The following ANKS1A variants were observed in gnomAD, a reference collection of about 807,000 sequenced individuals.
The protein encoded by ANKS1A is ankyrin repeat and sterile alpha motif domain containing 1A.
A neutral mutation model predicts 120.3 loss-of-function variants in ANKS1A; 55 were observed. The ratio of observed to expected loss-of-function variants is 0.46; its 90% confidence interval spans 0.37 to 0.57. ANKS1A has a LOEUF of 0.57. ANKS1A is among the 20% of genes least tolerant of loss of function. The pLI is 0.00. For missense variants in ANKS1A, 1,123 were observed against 1,480.3 expected (o/e 0.76, Z 3.96); for synonymous variants, 590 against 604.7 (o/e 0.98, Z 0.36).
chr6:34,962,659 T>C (rs972248960), intron 1 of ANKS1A, among the ~76,000 whole-genome samples: 4 of 151,454 alleles, frequency 2.6e-5, no homozygotes, highest in African/African-American at 9.7e-5. Context: ...CATGGTGGCA[T>C]GCGCCTGTAG....
Position 35,084,210 on chromosome 6 carries a change from C to G in ANKS1A, c.3084C>G (p.Asp1028Glu). Residue 1028 changes from aspartate to glutamate, a missense_variant, in exon 21 of 24, where the codon GAC (aspartate) becomes GAG (glutamate). By Grantham distance (45) the Asp-to-Glu change is conservative (BLOSUM62 2). Around this residue, in one of 3 missense-constraint regions of ANKS1A, gnomAD observed 904 missense variants for 1,130.4 expected, o/e 0.80. Coordinates refer to ENST00000360359, the MANE Select transcript of ANKS1A (RefSeq NM_015245.3). The surrounding 1 kb of genome is among the most constrained non-coding windows in gnomAD (Gnocchi z 4.8). ...DLCTFAYITK[D>E]LQTSHHYCHV... ...GTACCTTTGCCTACATCACCAAGGA[C>G]CTGCAGACCAGCCACCACTATTGCC... The G allele has an allele frequency of 6.2e-7, 1 of 1,614,202 alleles. No homozygotes were observed. Among genetic ancestry groups the G allele is most frequent in the Non-Finnish European group, 8.5e-7 (1 of 1,180,036 alleles).
intron 1 of ANKS1A, among the ~76,000 whole-genome samples, chr6:34,905,451 ATGTG>A (rs1327181953): frequency 1.3e-5 from 2 of 152,206 alleles, no homozygotes; most frequent in East Asian, 3.8e-4. Flanking sequence ...GTGAGTGTGT[ATGTG>A]TGTATTTGGG....
intron 1 of ANKS1A, among the ~76,000 whole-genome samples, chr6:34,925,607 G>T (rs1259280390): frequency 6.6e-6 from 1 of 152,232 alleles, no homozygotes; most frequent in Non-Finnish European, 1.5e-5. Context: ...CTAGTTCAGG[G>T]AAACTTTGTC....
Position 34,929,569 on chromosome 6 carries a change from C to T in ANKS1A, c.198-37670C>T, listed in dbSNP as rs140710002. Among the ~76,000 whole-genome samples the T allele has an allele frequency of 5.3e-5, 8 of 152,344 alleles. No homozygotes were observed. The East Asian group carries it at 1.5e-3, about 29-fold the overall frequency. The stretch of plus-strand genomic sequence containing the variant: ...AATGTCATTTGGAATACTTAGCAAT[C>T]TGCCACTTTGCTTAGATTTTTTGGT... On this transcript the variant is annotated intron_variant, in intron 1 of 23. Transcript: ENST00000360359.
At chr6:34,944,548 T>C (rs1769691844) in intron 1 of ANKS1A, among the ~76,000 whole-genome samples, 1 of 152,170 alleles carries the variant, frequency 6.6e-6, no homozygotes, top group Admixed American at 6.5e-5. Flanking sequence ...TTAGGTTGTT[T>C]TCTTATTGTT....
In ANKS1A at chr6:35,084,769, TG is replaced by T. The variant is rs1366471582; in HGVS notation, c.3132+513del. On this transcript the variant is annotated intron_variant, in intron 21 of 23. Coordinates refer to ENST00000360359, the MANE Select transcript of ANKS1A (RefSeq NM_015245.3). The surrounding 1 kb of genome is among the most constrained non-coding windows in gnomAD (Gnocchi z 4.8). Reference sequence around the variant, plus strand: ...CTCTTAGGGGCAGTGGTGCCCTCTTTGGCAGATTTTCTTCCCTCAAATTCCT... The same window carrying T: ...CTCTTAGGGGCAGTGGTGCCCTCTTTGCAGATTTTCTTCCCTCAAATTCCT... Among the ~76,000 whole-genome samples, 39 of 152,186 alleles carry T rather than the reference TG, an allele frequency of 2.6e-4. No individual in the cohort carries two copies.
At position 35,091,111 on chromosome 6, in the gene ANKS1A, G is replaced by A. The variant is rs755552863; in HGVS notation, c.*2502G>A. ...TCAGAAGTATTGTTGCTCATGGTGT[G>A]GCAATGGACTGAACTGTAATGAAAA... is the stretch of plus-strand genomic sequence containing the variant. On this transcript the variant is annotated 3_prime_UTR_variant, in exon 24 of 24. Transcript: ENST00000360359. The A allele has an allele frequency of 6.3e-5, 62 of 985,788 alleles. No individual in the cohort carries two copies. Among genetic ancestry groups the A allele is most frequent in the Non-Finnish European group, 7.5e-5 (62 of 829,960 alleles). The allele number at this position is 985,788 out of a possible 1,614,324, so 61.1% of individuals were successfully genotyped here. A position where few individuals can be genotyped will look rare whatever the true frequency, so the allele number is the denominator to read the frequency against.
intron 11 of ANKS1A, among the ~76,000 whole-genome samples, chr6:35,047,967 G>C (rs746615402): frequency 6.6e-6 from 1 of 152,194 alleles, no homozygotes; most frequent in Non-Finnish European, 1.5e-5. Context: ...GGGCCAGCTG[G>C]TAGTTGCGGG....
intron 10 of ANKS1A, chr6:35,005,879 C>A: frequency 5.5e-6 from 2 of 364,262 alleles, no homozygotes; most frequent in South Asian, 4.1e-5. Flanking sequence ...ATGGCGAAAC[C>A]CCACCTCTAC....
chr6:34,941,070 C>G (rs1769505796), intron 1 of ANKS1A, among the ~76,000 whole-genome samples: 1 of 152,032 alleles, frequency 6.6e-6, no homozygotes, highest in African/African-American at 2.4e-5. Context: ...CTCACTGCAA[C>G]TCCACCTCCC....
chr6:34,915,986 CT>C (rs202041070), intron 1 of ANKS1A, among the ~76,000 whole-genome samples: 2,767 of 104,410 alleles, frequency 0.027, 26 homozygotes, highest in African/African-American at 0.057. Context: ...ATGTCTGGAT[CT>C]TTTTTTTTTT....
intron 1 of ANKS1A, among the ~76,000 whole-genome samples, chr6:34,952,327 A>G (rs1770129396): frequency 6.6e-6 from 1 of 152,228 alleles, no homozygotes; most frequent in Admixed American, 6.5e-5. Flanking sequence ...TGGATCCAGT[A>G]AAATGACCAT....
At chr6:35,008,180 A>G (rs1167801332) in intron 10 of ANKS1A, among the ~76,000 whole-genome samples, 1 of 152,108 alleles carries the variant, frequency 6.6e-6, no homozygotes, top group Non-Finnish European at 1.5e-5. Context: ...ACAGTTTGAC[A>G]ATTAAGCCTT....
chr6:34,969,340 G>T (rs1771066151), intron 2 of ANKS1A, among the ~76,000 whole-genome samples: 1 of 152,142 alleles, frequency 6.6e-6, no homozygotes, highest in Admixed American at 6.5e-5. Context: ...TACAACCTCT[G>T]CCTCCTGGGT....
intron 9 of ANKS1A, among the ~76,000 whole-genome samples, chr6:34,991,281 T>C (rs1342892098): frequency 2.6e-5 from 4 of 152,118 alleles, no homozygotes; most frequent in Admixed American, 2.6e-4. Context: ...TAGACACATA[T>C]ACTCACACAC....
At chr6:35,095,392 A>G (rs1447995137), downstream of ANKS1A, among the ~76,000 whole-genome samples, 1 of 151,788 alleles carries the variant, frequency 6.6e-6, no homozygotes. Context: ...GGCCAACATG[A>G]TAAAAGCCCA....
intron 13 of ANKS1A, chr6:35,070,828 G>T (rs1581733683): frequency 5.7e-5 from 15 of 261,620 alleles, no homozygotes; most frequent in Admixed American, 3.0e-4. Flanking sequence ...TTTTTTCTTT[G>T]TGTGTGTGTG....
rs183047464 is a variant in ANKS1A, at chr6:34,937,121, G to A, written c.198-30118G>A. Among the ~76,000 whole-genome samples the A allele has an allele frequency of 8.3e-3, 1,265 of 152,150 alleles. 18 individuals carry two copies. Among genetic ancestry groups the A allele is most frequent in the African/African-American group, 0.028 (1,183 of 41,516 alleles). ...CAGAGGAGAGAAGATAGTCATTTTGGATGTGTAGTGCTGAAAGGCAGACTG... is the reference window on the plus strand; with the variant it reads ...CAGAGGAGAGAAGATAGTCATTTTGAATGTGTAGTGCTGAAAGGCAGACTG... On this transcript the variant is annotated intron_variant, in intron 1 of 23. Transcript: ENST00000360359.
chr6:35,010,184 T>A (rs1353121889), intron 10 of ANKS1A, among the ~76,000 whole-genome samples: 1 of 150,934 alleles, frequency 6.6e-6, no homozygotes, highest in African/African-American at 2.4e-5. Flanking sequence ...TAATAATAAT[T>A]TTTTTTTTAA....
Sources: allele counts gnomAD v4.1 joint callset (sites outside exome capture counted in the v4.1 genomes callset), GRCh38; gene constraint gnomAD v4.1.1; regional missense constraint gnomAD v4.1.1; non-coding constraint Gnocchi (gnomAD v3.1); transcripts MANE v1.5; gene names NCBI Gene and HGNC (gene_info 2026-07-23, HGNC 2026-07-21).